The following DPYD variants were observed in gnomAD, a reference collection of about 807,000 sequenced individuals.
The protein encoded by DPYD is dihydropyrimidine dehydrogenase [NADP(+)].
A neutral mutation model predicts 116.2 loss-of-function variants in DPYD; 109 were observed. That is an observed-to-expected ratio of 0.94 (90% CI 0.80 to 1.10). The LOEUF (loss-of-function observed/expected upper bound fraction) is 1.10, where lower values mean the gene tolerates loss of function less well. DPYD is among the 50% of genes least tolerant of loss of function. DPYD has a pLI of 0.00. For synonymous variants in DPYD, 440 were observed against 432.0 expected, an observed-to-expected ratio of 1.02 and a Z score of -0.23; for missense variants, 1,302 against 1,254.5, an observed-to-expected ratio of 1.04 and a Z score of -0.57.
intron 14 of DPYD, among the ~76,000 whole-genome samples, chr1:97,419,591 T>A (rs1674472055): frequency 6.6e-6 from 1 of 152,124 alleles, no homozygotes; most frequent in South Asian, 2.1e-4. Flanking sequence ...AATCTACCTA[T>A]AACCCCACCC....
chr1:97,708,849 C>T (rs899038325), intron 5 of DPYD, among the ~76,000 whole-genome samples: 1 of 151,590 alleles, frequency 6.6e-6, no homozygotes, highest in Admixed American at 6.6e-5. Context: ...ACATATTATA[C>T]CTATTTCATT....
chr1:97,338,235 C>T (rs770782721), intron 16 of DPYD, among the ~76,000 whole-genome samples: 3 of 152,070 alleles, frequency 2.0e-5, no homozygotes, highest in Admixed American at 1.3e-4. Flanking sequence ...AAATTGTATA[C>T]GGTAAAACCT....
rs572331297 is a variant in DPYD, at chr1:97,098,918, A to G, written c.2623-286T>C. ...ATTTCTAAATGGAAGAAAGTTCACA[A>G]TGGCAAACCAAACCCATTCACATAA... On this transcript the variant is annotated intron_variant, in intron 20 of 22. Coordinates refer to ENST00000370192, the MANE Select transcript of DPYD (RefSeq NM_000110.4). 2.0e-4 allele frequency among the ~76,000 whole-genome samples: 30 copies of G among 152,120 alleles called. 2 individuals are homozygous for G. The highest frequency in any genetic ancestry group is 7.4e-5 in the Non-Finnish European group (5 of 67,988).
chr1:97,917,528 A>C (rs2101720567), intron 1 of DPYD, among the ~76,000 whole-genome samples: 1 of 152,334 alleles, frequency 6.6e-6, no homozygotes, highest in East Asian at 1.9e-4. Flanking sequence ...AAGTCACAGT[A>C]TCAGTAATTC....
At chr1:97,741,721 A>G (rs1664280837) in intron 3 of DPYD, among the ~76,000 whole-genome samples, 1 of 152,180 alleles carries the variant, frequency 6.6e-6, no homozygotes, top group African/African-American at 2.4e-5. Context: ...TGGTCCTGCC[A>G]TCATAGAACA....
intron 20 of DPYD, among the ~76,000 whole-genome samples, chr1:97,132,155 C>T (rs1191330486): frequency 6.6e-6 from 1 of 152,136 alleles, no homozygotes; most frequent in Non-Finnish European, 1.5e-5. Flanking sequence ...CCTTTATGAT[C>T]CTCATCAGAC....
intron 15 of DPYD, among the ~76,000 whole-genome samples, chr1:97,378,488 C>A (rs1050606721): frequency 6.6e-6 from 1 of 152,108 alleles, no homozygotes; most frequent in African/African-American, 2.4e-5. Context: ...AATGCCTATG[C>A]CTTTCTGCTG....
chr1:97,753,779 C>T (rs1048310175), intron 3 of DPYD, among the ~76,000 whole-genome samples: 4 of 151,380 alleles, frequency 2.6e-5, no homozygotes, highest in Admixed American at 2.6e-4. Context: ...CAATTAGAAA[C>T]AACATTTATA....
At chr1:97,547,086 A>G (rs529032059) in intron 12 of DPYD, 5 of 891,542 alleles carry the variant, frequency 5.6e-6, no homozygotes, top group Non-Finnish European at 7.5e-6. Context: ...TTTTTACTCT[A>G]GAAATGGGTG....
intron 3 of DPYD, among the ~76,000 whole-genome samples, chr1:97,747,074 A>C (rs1222692882): frequency 6.6e-6 from 1 of 152,016 alleles, no homozygotes; most frequent in Non-Finnish European, 1.5e-5. Flanking sequence ...AAATTTATTT[A>C]TGGAGCATAA....
intron 2 of DPYD, among the ~76,000 whole-genome samples, chr1:97,830,755 A>C (rs1258427592): frequency 6.6e-6 from 1 of 151,812 alleles, no homozygotes; most frequent in Non-Finnish European, 1.5e-5. Flanking sequence ...GTGGACACTG[A>C]GAGACTGTAG....
chr1:97,920,708 C>T (rs1193507445), intron 1 of DPYD, among the ~76,000 whole-genome samples, 176 bp downstream of exon 1: 2 of 152,210 alleles, frequency 1.3e-5, no homozygotes, highest in Non-Finnish European at 2.9e-5. Flanking sequence ...CCCCGCCTGC[C>T]CACGCGGGCC....
At chr1:97,606,301 A>T (rs945240832) in intron 8 of DPYD, among the ~76,000 whole-genome samples, 6 of 152,024 alleles carry the variant, frequency 3.9e-5, no homozygotes, top group African/African-American at 1.2e-4. Context: ...TGCTGGGAAT[A>T]TATAGATAAA....
At chr1:97,132,001 C>A (rs1653379249) in intron 20 of DPYD, among the ~76,000 whole-genome samples, 1 of 152,124 alleles carries the variant, frequency 6.6e-6, no homozygotes, top group Non-Finnish European at 1.5e-5. Flanking sequence ...GTTTCTGTGG[C>A]AGTCCCAATT....
At chr1:97,213,272 GAGGTATAAATAAATTATT>G (rs1660164848) in intron 19 of DPYD, among the ~76,000 whole-genome samples, 1 of 152,098 alleles carries the variant, frequency 6.6e-6, no homozygotes, top group Non-Finnish European at 1.5e-5. Flanking sequence ...AGGATTACTG[GAGGTATAAATAAATTATT>G]ACAACTTTTA....
intron 18 of DPYD, among the ~76,000 whole-genome samples, chr1:97,294,420 A>T (rs1254977530): frequency 1.3e-5 from 2 of 152,110 alleles, no homozygotes; most frequent in Non-Finnish European, 2.9e-5. Flanking sequence ...TCCCTACCTC[A>T]CCGTCTTCAA....
intron 3 of DPYD, among the ~76,000 whole-genome samples, chr1:97,793,103 T>C (rs1359939109): frequency 6.6e-6 from 1 of 152,144 alleles, no homozygotes; most frequent in African/African-American, 2.4e-5. Context: ...TTGGTGTAGG[T>C]GGGAAATCTC....
At chr1:97,259,237 C>T (rs896990750) in intron 18 of DPYD, among the ~76,000 whole-genome samples, 5 of 152,020 alleles carry the variant, frequency 3.3e-5, no homozygotes, top group Non-Finnish European at 7.4e-5. Flanking sequence ...GAGATTGTGA[C>T]AATGCTGACT....
chr1:97,881,894 T>C (rs914542113), intron 2 of DPYD, among the ~76,000 whole-genome samples: 4 of 151,514 alleles, frequency 2.6e-5, no homozygotes, highest in African/African-American at 7.3e-5. Context: ...CATTAGGAGA[T>C]ATACCTAATG....
Sources: gnomAD v4.1 joint callset for allele counts (sites outside exome capture counted in the v4.1 genomes callset) on GRCh38, gnomAD v4.1.1 for gene constraint, MANE v1.5 for transcripts, NCBI Gene and HGNC (gene_info 2026-07-23, HGNC 2026-07-21) for gene names.